NRCAM: variants seen among roughly 807,000 people sequenced by gnomAD.
The protein encoded by NRCAM is NgCAM-related cell adhesion molecule.
In NRCAM, 83 loss-of-function variants were observed where a neutral mutation model predicts 156.5. The observed-to-expected ratio is 0.53, with a 90% CI of 0.44 to 0.64. NRCAM has a LOEUF of 0.64. Among genes scored for constraint, NRCAM ranks in the 30% least tolerant of loss-of-function variants. NRCAM has a pLI of 0.00. For missense variants in NRCAM, 1,417 were observed against 1,597.3 expected (o/e 0.89, Z 1.92); for synonymous variants, 538 against 563.9 (o/e 0.95, Z 0.65).
intron 2 of NRCAM, among the ~76,000 whole-genome samples, chr7:108,384,277 A>T (rs2300036): frequency 0.25 from 37,930 of 152,028 alleles, 5,010 homozygotes; most frequent in Non-Finnish European, 0.28. Flanking sequence ...ATAAAAATTT[A>T]AAAAAGAGGA....
At chr7:108,191,168 G>A (rs763024184) in intron 19 of NRCAM, 86 bp downstream of exon 19, 1 of 1,098,404 alleles carries the variant, frequency 9.1e-7, no homozygotes, top group Non-Finnish European at 1.3e-6. Flanking sequence ...ACAATTATGT[G>A]ACATAGAAAA....
intron 2 of NRCAM, among the ~76,000 whole-genome samples, chr7:108,392,488 G>T (rs1313540454): frequency 6.6e-6 from 1 of 152,132 alleles, no homozygotes; most frequent in Non-Finnish European, 1.5e-5. Flanking sequence ...CTTTTTTCAA[G>T]GTTTTTGGCT....
chr7:108,417,006 A>T (rs1196692941), intron 1 of NRCAM, among the ~76,000 whole-genome samples: 1 of 152,200 alleles, frequency 6.6e-6, no homozygotes, highest in Non-Finnish European at 1.5e-5. Flanking sequence ...TGGGAACATC[A>T]CTTTTCAGAT....
chr7:108,428,924 G>A (rs1348797231), intron 1 of NRCAM, among the ~76,000 whole-genome samples: 2 of 105,944 alleles, frequency 1.9e-5, no homozygotes, highest in Middle Eastern at 4.3e-3. Context: ...ATGCCATTGT[G>A]ACCTAAAATT....
chr7:108,234,364 C>T (rs1040267374), intron 6 of NRCAM, among the ~76,000 whole-genome samples: 2 of 151,988 alleles, frequency 1.3e-5, no homozygotes, highest in Admixed American at 1.3e-4. Flanking sequence ...ATATGCAGGA[C>T]CCAAGAAGTT....
intron 1 of NRCAM, among the ~76,000 whole-genome samples, chr7:108,446,083 C>G (rs542100212): frequency 6.6e-6 from 1 of 152,312 alleles, no homozygotes; most frequent in Admixed American, 6.5e-5. Context: ...GCACCAGCTT[C>G]AGACAGTGAA....
chr7:108,229,405 G>C (rs1227439835), intron 8 of NRCAM, among the ~76,000 whole-genome samples: 1 of 152,156 alleles, frequency 6.6e-6, no homozygotes, highest in Admixed American at 6.5e-5. Context: ...TGGGATTACA[G>C]TGTCAGCCAC....
intron 1 of NRCAM, among the ~76,000 whole-genome samples, chr7:108,433,243 C>A (rs1224473478): frequency 6.6e-6 from 1 of 152,104 alleles, no homozygotes. Context: ...GCCCCCACCC[C>A]GCAACCCAGC....
rs993810660 is a variant in NRCAM at position 108,176,517 on chromosome 7, T to G, written c.3064A>C (p.Thr1022Pro). ...GCATAGAAATAAAACTTATATCGAG[T>G]GCTGAAATTTAAATTTTTTAAAGTC... The part of the protein sequence containing the change: ...RWTLKNLNFS[T>P]RYKFYFYAQT... The change falls in exon 27 of 33, where the codon ACT (threonine) becomes CCT (proline). Residue 1022 changes from threonine (T) to proline (P), a missense_variant. Transcript: ENST00000379028. 1 of 1,613,744 alleles carries G rather than the reference T, an allele frequency of 6.2e-7. No homozygotes were observed. Among genetic ancestry groups the G allele is most frequent in the Non-Finnish European group, 8.5e-7 (1 of 1,179,814 alleles).
At chr7:108,390,683 C>A (rs1375511214) in intron 2 of NRCAM, among the ~76,000 whole-genome samples, 2 of 152,134 alleles carry the variant, frequency 1.3e-5, no homozygotes, top group African/African-American at 4.8e-5. Flanking sequence ...AATTTTAGAT[C>A]TTTCCTGCTT....
In NRCAM at chr7:108,232,306, G is replaced by A. The variant is rs749294576; in HGVS notation, c.427+20C>T. The stretch of plus-strand genomic sequence containing the variant: ...CAATACTTTAAAAAGGGTCATGTTG[G>A]TTGACAAGTTTCCACTTACTGGATG... On this transcript the variant is annotated intron_variant, in intron 7 of 32. Transcript: ENST00000379028. 1 of 1,569,720 alleles carries A rather than the reference G, an allele frequency of 6.4e-7. No homozygotes were observed. Among genetic ancestry groups the A allele is most frequent in the South Asian group, 1.2e-5 (1 of 85,108 alleles).
intron 1 of NRCAM, among the ~76,000 whole-genome samples, chr7:108,442,093 T>G (rs538769619): frequency 1.4e-4 from 21 of 152,306 alleles, no homozygotes; most frequent in Middle Eastern, 3.4e-3. Flanking sequence ...ATATAATACC[T>G]CGGGAGCAGG....
At chr7:108,345,542 G>T (rs1383653459) in intron 2 of NRCAM, among the ~76,000 whole-genome samples, 2 of 152,132 alleles carry the variant, frequency 1.3e-5, no homozygotes, top group Non-Finnish European at 2.9e-5. Context: ...TCTTCAATGT[G>T]ATAGTATTCA....
At chr7:108,407,823 G>T (rs1002784831) in intron 1 of NRCAM, among the ~76,000 whole-genome samples, 9 of 152,114 alleles carry the variant, frequency 5.9e-5, no homozygotes, top group Non-Finnish European at 1.3e-4. Flanking sequence ...TTATCAAATT[G>T]TCCATTTTAA....
At chr7:108,208,053 G>C (rs1406390884) in intron 12 of NRCAM, among the ~76,000 whole-genome samples, 1 of 151,934 alleles carries the variant, frequency 6.6e-6, no homozygotes, top group Non-Finnish European at 1.5e-5. Context: ...CAACACTTTG[G>C]GAAGCCAAAG....
intron 1 of NRCAM, among the ~76,000 whole-genome samples, chr7:108,446,931 T>C (rs746247735): frequency 1.4e-4 from 21 of 151,990 alleles, no homozygotes; most frequent in Non-Finnish European, 2.8e-4. Context: ...GGTTTCACCA[T>C]GTTGGCCAGG....
At chr7:108,175,296 A>G (rs2060050066) in intron 28 of NRCAM, 26 bp downstream of exon 28, 3 of 1,548,480 alleles carry the variant, frequency 1.9e-6, no homozygotes, top group Non-Finnish European at 2.6e-6. Flanking sequence ...ACACATGTAT[A>G]AAGTCATGCA....
chr7:108,336,282 G>A (rs1433492508), intron 2 of NRCAM, among the ~76,000 whole-genome samples: 1 of 152,174 alleles, frequency 6.6e-6, no homozygotes, highest in Non-Finnish European at 1.5e-5. Flanking sequence ...TTTTCTGATA[G>A]AGCTTCTGTT....
chr7:108,167,077 T>C lies in NRCAM; in HGVS notation c.3314-4A>G, dbSNP rs201218353. The C allele has an allele frequency of 3.9e-5, 63 of 1,610,266 alleles. No homozygotes were observed. The East Asian group carries it at 8.5e-4, about 22-fold the overall frequency. ...TCTTTTCTCCATTCTTCTTTGCCTATGGAAATTTTGCAAAAACAACACATT... is the reference window on the plus strand; with the variant it reads ...TCTTTTCTCCATTCTTCTTTGCCTACGGAAATTTTGCAAAAACAACACATT... On this transcript the variant is annotated splice_polypyrimidine_tract_variant and splice_region_variant and intron_variant, in intron 29 of 32. Coordinates refer to ENST00000379028, the MANE Select transcript of NRCAM (RefSeq NM_001037132.4).
Sources: gnomAD v4.1 joint callset for allele counts (sites outside exome capture counted in the v4.1 genomes callset) on GRCh38, gnomAD v4.1.1 for gene constraint, MANE v1.5 for transcripts, NCBI Gene and HGNC (gene_info 2026-07-23, HGNC 2026-07-21) for gene names.